Variants in RBM5 observed in about 807,000 individuals in gnomAD.
The protein encoded by RBM5 is RNA binding motif protein 5.
A neutral mutation model predicts 124.6 loss-of-function variants in RBM5; 15 were observed. That is an observed-to-expected ratio of 0.12 (90% CI 0.08 to 0.19). RBM5 has a LOEUF of 0.19. RBM5 is among the 10% of genes least tolerant of loss of function. The probability of loss-of-function intolerance (pLI) is 1.00; values close to 1 mark genes in which losing one functional copy is unlikely to be tolerated. For missense variants in RBM5, 580 were observed against 1,026.5 expected, an observed-to-expected ratio of 0.57 and a Z score of 5.94; for synonymous variants, 337 against 361.2, an observed-to-expected ratio of 0.93 and a Z score of 0.76.
Position 50,100,165 on chromosome 3 carries a change from T to A in RBM5, c.409+114T>A. 1 of 1,003,380 alleles carries A rather than the reference T, an allele frequency of 1.0e-6. No individual in the cohort carries two copies. Among genetic ancestry groups the A allele is most frequent in the South Asian group, 1.6e-5 (1 of 62,930 alleles). 62.2% of individuals were successfully genotyped at this position (1,003,380 alleles called of 1,614,324 possible). A position where few individuals can be genotyped will look rare whatever the true frequency, so the allele number is the denominator to read the frequency against. On this transcript the variant is annotated intron_variant, in intron 5 of 24. Transcript: ENST00000347869. This position sits in a 1 kb window ranked among gnomAD's most constrained non-coding sequence, Gnocchi z 5.1. Reference sequence around the variant, plus strand: ...AAGCACATGAATTCAGAATGAAAGGTTTGCCATGGCTAAGGAATGTGACTC... The same window carrying A: ...AAGCACATGAATTCAGAATGAAAGGATTGCCATGGCTAAGGAATGTGACTC...
chr3:50,109,683 T>A lies in RBM5; in HGVS notation c.1273T>A (p.Ser425Thr). The A allele has an allele frequency of 6.2e-7, 1 of 1,612,276 alleles. No individual in the cohort carries two copies. Among genetic ancestry groups the A allele is most frequent in the Non-Finnish European group, 8.5e-7 (1 of 1,178,288 alleles). The change falls in exon 15 of 25, where the codon TCT becomes ACT. Residue 425 changes from serine to threonine, a missense_variant. Around this residue, in one of 6 missense-constraint regions of RBM5, gnomAD observed 104 missense variants for 128.7 expected, o/e 0.81. Coordinates refer to ENST00000347869, the MANE Select transcript of RBM5 (RefSeq NM_005778.4). ...TAATCAAACCTCCAATCCACCTGGC[T>A]CTCCGGTAATCCTGTTGTCCTATAT... The part of the protein sequence containing the change: ...LYNQTSNPPG[S>T]PTEEAQPSTS...
At chr3:50,115,683 C>T (rs1244691661) in intron 21 of RBM5, 76 bp downstream of exon 21, 6 of 1,500,660 alleles carry the variant, frequency 4.0e-6, no homozygotes, top group East Asian at 2.3e-5. Flanking sequence ...ACAGTCCTGA[C>T]GGTTCCAAAA....
Position 50,116,031 on chromosome 3 carries a change from T to C in RBM5, c.2094+51T>C, listed in dbSNP as rs1320494991. The C allele has an allele frequency of 2.6e-6, 4 of 1,521,346 alleles. No homozygotes were observed. In the South Asian group the frequency reaches 4.5e-5, roughly 17 times the overall value. 94.2% of individuals were successfully genotyped at this position (1,521,346 alleles called of 1,614,324 possible). A position where few individuals can be genotyped will look rare whatever the true frequency, so the allele number is the denominator to read the frequency against. On this transcript the variant is annotated intron_variant, in intron 22 of 24. Transcript: ENST00000347869. The stretch of plus-strand genomic sequence containing the variant: ...AAGAGGATATTGGGATAATTGCCTT[T>C]AGCTTTTATTTGTAGCATTTAGTTC...
chr3:50,111,801 A>G (rs2091149210), intron 17 of RBM5, among the ~76,000 whole-genome samples: 1 of 152,198 alleles, frequency 6.6e-6, no homozygotes, highest in East Asian at 1.9e-4. Flanking sequence ...GTGATGTTTT[A>G]TTTTTGGTGG....
intron 10 of RBM5, 50 bp from the exon 11 acceptor site, chr3:50,106,715 GGA>G: frequency 7.8e-7 from 1 of 1,284,104 alleles, no homozygotes; most frequent in Non-Finnish European, 1.1e-6. Flanking sequence ...TGGATGGTAG[GGA>G]GAGATTTTTA....
intron 4 of RBM5, among the ~76,000 whole-genome samples, chr3:50,098,982 T>C (rs1482389611): frequency 1.3e-5 from 2 of 152,142 alleles, no homozygotes; most frequent in African/African-American, 2.4e-5. Flanking sequence ...CGGCCAGGCA[T>C]TGTGGCTCAC....
At chr3:50,106,999 C>T in intron 11 of RBM5, 135 bp downstream of exon 11, 4 of 777,288 alleles carry the variant, frequency 5.1e-6, no homozygotes, top group South Asian at 4.3e-5. Context: ...CCAGGAGGGA[C>T]ACGTTTGTCT....
intron 12 of RBM5, 46 bp downstream of exon 12, chr3:50,107,615 C>CCAGATT: frequency 2.1e-6 from 3 of 1,395,498 alleles, no homozygotes; most frequent in Non-Finnish European, 3.0e-6. Context: ...GTGGTGGTGC[C>CCAGATT]CAGATTCACA....
At chr3:50,116,739 G>C in intron 22 of RBM5, 1 of 345,118 alleles carries the variant, frequency 2.9e-6, no homozygotes, top group South Asian at 2.5e-5. Flanking sequence ...CAAATGCTGA[G>C]GAGAACGGGC....
At chr3:50,092,796 C>G (rs1352853343) in intron 3 of RBM5, 1 of 442,874 alleles carries the variant, frequency 2.3e-6, no homozygotes, top group Admixed American at 2.4e-5. Flanking sequence ...CACCTGTAAT[C>G]CCAACAATTT....
chr3:50,107,667 C>CTTTTTTTTTTTTTTTT (rs2091060284), intron 12 of RBM5, 98 bp downstream of exon 12: 1 of 135,140 alleles, frequency 7.4e-6, no homozygotes, highest in African/African-American at 5.6e-5. Context: ...GAGCTCTTTT[C>CTTTTTTTTTTTTTTTT]TTTTCTTTTT....
intron 1 of RBM5, among the ~76,000 whole-genome samples, chr3:50,089,404 A>G (rs915788834): frequency 1.1e-4 from 17 of 152,308 alleles, no homozygotes; most frequent in Non-Finnish European, 1.2e-4. Flanking sequence ...GCCCTCTCCG[A>G]AAAGCTGTTC....
In RBM5 at chr3:50,107,672, CTTTTTTTTTTTTTT is replaced by C. The variant is rs71080575; in HGVS notation, c.1041+121_1041+134del. 2.9e-3 allele frequency: 309 copies of C among 104,860 alleles called. No individual in the cohort carries two copies. In the Middle Eastern group the frequency reaches 0.03, roughly 10 times the overall value. 6.5% of individuals were successfully genotyped at this position (104,860 alleles called of 1,614,324 possible). ...CTCGCAGTATGAGCTCTTTTCTTTT[CTTTTTTTTTTTTTT>C]TTTTTTTTTTTTTTTTTGAGACAGA... On this transcript the variant is annotated intron_variant, in intron 12 of 24. Coordinates refer to ENST00000347869, the MANE Select transcript of RBM5 (RefSeq NM_005778.4).
chr3:50,108,452 T>TAA, intron 14 of RBM5, 148 bp downstream of exon 14: 1 of 773,786 alleles, frequency 1.3e-6, no homozygotes, highest in African/African-American at 1.7e-5. Flanking sequence ...CTCACGCCTG[T>TAA]AATCCCAGCA....
At position 50,117,910 on chromosome 3, in the gene RBM5, G is replaced by A. The variant is rs905270750; in HGVS notation, c.2323-421G>A. On this transcript the variant is annotated intron_variant, in intron 24 of 24. Coordinates refer to ENST00000347869, the MANE Select transcript of RBM5 (RefSeq NM_005778.4). The surrounding 1 kb of genome is among the most constrained non-coding windows in gnomAD (Gnocchi z 4.2). ...GGCCTTCTAGGCAGGAGCTCCACCC[G>A]TAATTGCCCCTGCTCTGTCCTGGGA... The A allele has an allele frequency of 2.8e-5, 5 of 181,186 alleles. No homozygotes were observed. The highest frequency in any genetic ancestry group is 2.4e-5 in the African/African-American group (1 of 42,174). The allele number at this position is 181,186 out of a possible 1,614,324, so 11.2% of individuals were successfully genotyped here. A position where few individuals can be genotyped will look rare whatever the true frequency, so the allele number is the denominator to read the frequency against.
chr3:50,089,344 G>A (rs183370652), intron 1 of RBM5, among the ~76,000 whole-genome samples: 100 of 152,362 alleles, frequency 6.6e-4, no homozygotes, highest in African/African-American at 2.2e-3. Context: ...CTCCTTGGGA[G>A]CTCCCTGGCA....
chr3:50,100,225 T>A lies in RBM5; in HGVS notation c.409+174T>A. ...CATGTTAGCATCTGAGGAACTTTTTTAAACTTTGTTTTAGGGACTTTTTTT... is the reference window on the plus strand; with the variant it reads ...CATGTTAGCATCTGAGGAACTTTTTAAAACTTTGTTTTAGGGACTTTTTTT... On this transcript the variant is annotated intron_variant, in intron 5 of 24. Coordinates refer to ENST00000347869, the MANE Select transcript of RBM5 (RefSeq NM_005778.4). This position sits in a 1 kb window ranked among gnomAD's most constrained non-coding sequence, Gnocchi z 5.1. 6 of 667,658 alleles carry A rather than the reference T, an allele frequency of 9.0e-6. No homozygotes were observed. The allele number at this position is 667,658 out of a possible 1,614,324, so 41.4% of individuals were successfully genotyped here.
At chr3:50,106,925 A>AGCAC in intron 11 of RBM5, 61 bp downstream of exon 11, 1 of 1,341,538 alleles carries the variant, frequency 7.5e-7, no homozygotes, top group Non-Finnish European at 1.1e-6. Context: ...ACAGTGTGCT[A>AGCAC]ACTGAACGCC....
chr3:50,098,106 T>A lies in RBM5; in HGVS notation c.340-1876T>A, dbSNP rs563119616. On this transcript the variant is annotated intron_variant, in intron 4 of 24. Transcript: ENST00000347869. ...AGTGAGACTCCATCTCAAAAAAATT[T>A]AAAAAAAAGTTTATCATCAGGCTCT... Among the ~76,000 whole-genome samples, 14 of 152,068 alleles carry A rather than the reference T, an allele frequency of 9.2e-5. No homozygotes were observed. In the East Asian group the frequency reaches 9.7e-4, roughly 10 times the overall value.
Sources: allele counts gnomAD v4.1 joint callset (sites outside exome capture counted in the v4.1 genomes callset), GRCh38; gene constraint gnomAD v4.1.1; regional missense constraint gnomAD v4.1.1; non-coding constraint Gnocchi (gnomAD v3.1); transcripts MANE v1.5; gene names NCBI Gene and HGNC (gene_info 2026-07-23, HGNC 2026-07-21).